GNAL: variants seen among roughly 807,000 people sequenced by gnomAD.
GNAL encodes G protein subunit alpha L.
Under a neutral mutation model 55.1 loss-of-function variants are expected in GNAL, and 18 were observed. The ratio of observed to expected loss-of-function variants is 0.33; its 90% CI spans 0.23 to 0.48. The LOEUF is 0.48. Among genes scored for constraint, GNAL ranks in the 20% least tolerant of loss-of-function variants. The probability of loss-of-function intolerance (pLI) is 0.99; values close to 1 mark genes in which losing one functional copy is unlikely to be tolerated. For missense variants in GNAL, 412 were observed against 614.1 expected, an observed-to-expected ratio of 0.67 and a Z score of 3.48; for synonymous variants, 253 against 237.0, an observed-to-expected ratio of 1.07 and a Z score of -0.62.
chr18:11,824,233 T>A (rs1328350645), intron 4 of GNAL, among the ~76,000 whole-genome samples: 1 of 139,882 alleles, frequency 7.1e-6, no homozygotes, highest in East Asian at 2.3e-4. Context: ...CTTGTCCTTA[T>A]AATATGCATG....
At chr18:11,861,935 G>C (rs2036152065) in intron 5 of GNAL, among the ~76,000 whole-genome samples, 3 of 146,216 alleles carry the variant, frequency 2.1e-5, no homozygotes, top group Non-Finnish European at 4.5e-5. Flanking sequence ...TCCACACTCA[G>C]TCGCTCTTAC....
chr18:11,792,779 G>A (rs1265101922), intron 4 of GNAL, among the ~76,000 whole-genome samples: 5 of 152,144 alleles, frequency 3.3e-5, no homozygotes. Flanking sequence ...TGAAGGAGAG[G>A]GTAATTCTTG....
chr18:11,840,707 G>A (rs534173921), intron 5 of GNAL, among the ~76,000 whole-genome samples: 2 of 152,228 alleles, frequency 1.3e-5, no homozygotes, highest in East Asian at 1.9e-4. Flanking sequence ...CCTGGTGGAC[G>A]TATTCGGGAA....
At chr18:11,846,292 A>T (rs993486666) in intron 5 of GNAL, among the ~76,000 whole-genome samples, 1 of 152,050 alleles carries the variant, frequency 6.6e-6, no homozygotes, top group African/African-American at 2.4e-5. Flanking sequence ...CACCAAGAGG[A>T]ATAATAAACC....
intron 4 of GNAL, among the ~76,000 whole-genome samples, chr18:11,824,533 C>CA (rs2035189054): frequency 6.6e-6 from 1 of 151,736 alleles, no homozygotes; most frequent in Non-Finnish European, 1.5e-5. Context: ...ACTAAAGATA[C>CA]AAAAATTAGC....
At chr18:11,704,883 TAC>T (rs2031667398) in intron 1 of GNAL, among the ~76,000 whole-genome samples, 1 of 152,166 alleles carries the variant, frequency 6.6e-6, no homozygotes, top group Non-Finnish European at 1.5e-5. Context: ...GACATGTGTA[TAC>T]ACCTGAGAGC....
intron 5 of GNAL, among the ~76,000 whole-genome samples, chr18:11,840,113 T>G (rs1361481951): frequency 1.3e-5 from 2 of 152,238 alleles, no homozygotes; most frequent in Non-Finnish European, 2.9e-5. Flanking sequence ...ATTATTCTAT[T>G]AACTGACTTA....
chr18:11,817,223 G>A (rs1246835886), intron 4 of GNAL, among the ~76,000 whole-genome samples: 1 of 152,208 alleles, frequency 6.6e-6, no homozygotes, highest in African/African-American at 2.4e-5. Context: ...TGTCCTCACT[G>A]GTCTCTTATA....
In GNAL at chr18:11,883,162, A is replaced by G. The variant is rs957650198; in HGVS notation, c.*2027A>G. ...TTAAATGCTACTTTTTCATGAAGAA[A>G]GGATAACTTTATAGACAGTCAGTGC... is the stretch of plus-strand genomic sequence containing the variant. On this transcript the variant is annotated 3_prime_UTR_variant, in exon 12 of 12. Transcript: ENST00000334049. 7.4e-6 allele frequency: 1 copy of G among 134,660 alleles called. No individual in the cohort carries two copies. Among genetic ancestry groups the G allele is most frequent in the Non-Finnish European group, 1.5e-5 (1 of 66,406 alleles). 8.3% of individuals were successfully genotyped at this position (134,660 alleles called of 1,614,324 possible). A position where few individuals can be genotyped will look rare whatever the true frequency, so the allele number is the denominator to read the frequency against.
chr18:11,705,267 C>T, intron 1 of GNAL, among the ~76,000 whole-genome samples: 1 of 152,216 alleles, frequency 6.6e-6, no homozygotes. Flanking sequence ...CATGTTGTTG[C>T]ATCTGGCTGC....
intron 5 of GNAL, among the ~76,000 whole-genome samples, chr18:11,832,294 A>G (rs1479324411): frequency 1.3e-5 from 2 of 152,206 alleles, no homozygotes; most frequent in East Asian, 1.9e-4. Context: ...ATCCATTTCA[A>G]TAATTGGTTT....
intron 4 of GNAL, among the ~76,000 whole-genome samples, chr18:11,779,107 T>C (rs977516714): frequency 2.0e-5 from 3 of 152,168 alleles, no homozygotes; most frequent in Admixed American, 2.0e-4. Flanking sequence ...AAGGGGCAAC[T>C]CTTCCTGGCC....
chr18:11,690,017 C>G, intron 1 of GNAL, 78 bp downstream of exon 1: 7 of 852,746 alleles, frequency 8.2e-6, no homozygotes, highest in Non-Finnish European at 1.1e-5. Flanking sequence ...CACCGGGGAG[C>G]GGTGGCGGGC....
intron 1 of GNAL, among the ~76,000 whole-genome samples, chr18:11,719,336 A>C (rs2032042173): frequency 6.6e-6 from 1 of 152,166 alleles, no homozygotes; most frequent in African/African-American, 2.4e-5. Flanking sequence ...AGGAAGACTG[A>C]CAGCAGCAAA....
chr18:11,870,597 T>TG (rs1187520611), intron 9 of GNAL, among the ~76,000 whole-genome samples: 1 of 152,184 alleles, frequency 6.6e-6, no homozygotes, highest in African/African-American at 2.4e-5. Context: ...AATAACTAGA[T>TG]GATCTCTAAG....
At chr18:11,735,005 C>T (rs776894089) in intron 1 of GNAL, among the ~76,000 whole-genome samples, 1 of 147,956 alleles carries the variant, frequency 6.8e-6, no homozygotes, top group Non-Finnish European at 1.5e-5. Flanking sequence ...AACGCCAGGC[C>T]GACGTGAGGA....
At position 11,867,051 on chromosome 18, in the gene GNAL, G is replaced by A. The variant is rs889590373; in HGVS notation, c.852-117G>A. The A allele has an allele frequency of 8.5e-5, 67 of 784,074 alleles. No homozygotes were observed. In the Admixed American group the frequency reaches 1.2e-3, roughly 14 times the overall value. The allele number at this position is 784,074 out of a possible 1,614,324, so 48.6% of individuals were successfully genotyped here. On this transcript the variant is annotated intron_variant, in intron 7 of 11. Coordinates refer to ENST00000334049, the MANE Select transcript of GNAL (RefSeq NM_182978.4). ...TGGTGCAGGCCAGTGACCCGAGCTT[G>A]ACTCAAGACCCATGTGTGAACGCTG...
At chr18:11,802,904 A>G (rs1227789698) in intron 4 of GNAL, among the ~76,000 whole-genome samples, 2 of 152,070 alleles carry the variant, frequency 1.3e-5, no homozygotes, top group East Asian at 1.9e-4. Flanking sequence ...CGAGTTCGAG[A>G]GGTACCCGGG....
At chr18:11,736,301 G>A (rs532727870) in intron 1 of GNAL, among the ~76,000 whole-genome samples, 176 of 152,224 alleles carry the variant, frequency 1.2e-3, no homozygotes, top group Non-Finnish European at 2.0e-3. Flanking sequence ...AGGCCAAGGC[G>A]GGAGGATCAC....
Sources: allele counts gnomAD v4.1 joint callset (sites outside exome capture counted in the v4.1 genomes callset), GRCh38; gene constraint gnomAD v4.1.1; transcripts MANE v1.5; gene names NCBI Gene and HGNC (gene_info 2026-07-23, HGNC 2026-07-21).